The following GSE1 variants were observed in gnomAD, a reference collection of about 807,000 sequenced individuals.
GSE1 encodes the protein genetic suppressor element 1.
Under a neutral mutation model 112.6 loss-of-function variants are expected in GSE1, and 32 were observed. The ratio of observed to expected loss-of-function variants is 0.28; its 90% CI spans 0.21 to 0.38. The LOEUF is 0.38. Among genes scored for constraint, GSE1 ranks in the 10% least tolerant of loss-of-function variants. The pLI is 1.00. For missense variants in GSE1, 2,348 were observed against 1,699.2 expected (o/e 1.38, Z -6.71); for synonymous variants, 1,115 against 735.6 (o/e 1.52, Z -8.35).
upstream of GSE1, among the ~76,000 whole-genome samples, chr16:85,612,087 G>A (rs1388042405): frequency 2.0e-5 from 3 of 151,968 alleles, no homozygotes; most frequent in East Asian, 2.0e-4. Context: ...GTTGGAAGAG[G>A]ATGAGGAGGG....
At chr16:85,191,983 T>C (rs920128863) in intron 1 of GSE1, among the ~76,000 whole-genome samples, 52 of 152,216 alleles carry the variant, frequency 3.4e-4, no homozygotes, top group Admixed American at 6.5e-4. Context: ...GCAGCAGTTT[T>C]GAATCTTTCC....
intron 1 of GSE1, among the ~76,000 whole-genome samples, chr16:85,241,175 G>A (rs1597879727): frequency 6.8e-6 from 1 of 147,346 alleles, no homozygotes; most frequent in East Asian, 1.9e-4. Flanking sequence ...TCGGCTGCGT[G>A]ACCTTGGGCT....
upstream of GSE1, among the ~76,000 whole-genome samples, chr16:85,551,220 G>A (rs963435974): frequency 2.0e-5 from 3 of 152,326 alleles, no homozygotes; most frequent in East Asian, 3.9e-4. Flanking sequence ...AGGCTTTTCC[G>A]GAGAAGTGTG....
chr16:85,170,003 G>A (rs2074332462), exon 1 of GSE1: 1 of 984,428 alleles, frequency 1.0e-6, no homozygotes, highest in South Asian at 4.7e-5. Flanking sequence ...GGCGGCCCCC[G>A]GCTGCGCGGG....
intron 1 of GSE1, among the ~76,000 whole-genome samples, chr16:85,239,062 G>A (rs962696055): frequency 6.6e-6 from 1 of 151,986 alleles, no homozygotes; most frequent in Non-Finnish European, 1.5e-5. Context: ...CGAGCAGCTG[G>A]GATTATAGGC....
chr16:85,363,264 CA>C lies in GSE1; in HGVS notation c.2464+5622del, dbSNP rs2047120804. On this transcript the variant is annotated intron_variant, in intron 2 of 2. Transcript: ENST00000637419. ...ATGTTCCAGGGGCTCCTCCCTTTCT[CA>C]CCTGCCATACTGGGGTGTTGCCTTG... Among the ~76,000 whole-genome samples, 5 of 152,364 alleles carry C rather than the reference CA, an allele frequency of 3.3e-5. No homozygotes were observed. The South Asian group carries it at 1.0e-3, about 32-fold the overall frequency.
At chr16:85,250,972 C>T (rs1403745271) in intron 1 of GSE1, among the ~76,000 whole-genome samples, 1 of 152,222 alleles carries the variant, frequency 6.6e-6, no homozygotes, top group Non-Finnish European at 1.5e-5. Flanking sequence ...CCGCAGTCAT[C>T]CATGTAGCAC....
chr16:85,357,611 GGGAGGA>G, exon 2 of GSE1: 1 of 1,289,016 alleles, frequency 7.8e-7, no homozygotes, highest in Non-Finnish European at 1.0e-6. Context: ...CAGAGCAGCC[GGGAGGA>G]GGACGGACCA....
chr16:85,404,929 CT>C (rs1200346140), intron 2 of GSE1, among the ~76,000 whole-genome samples: 39 of 31,262 alleles, frequency 1.2e-3, no homozygotes, highest in East Asian at 8.9e-3. Context: ...TCAGGCCCCC[CT>C]GGATAATCCT....
At chr16:85,476,290 C>T (rs760164015) in intron 2 of GSE1, among the ~76,000 whole-genome samples, 7 of 152,160 alleles carry the variant, frequency 4.6e-5, no homozygotes, top group East Asian at 1.9e-4. Flanking sequence ...CCTGGGATGG[C>T]GCTCAGTGGA....
At chr16:85,562,405 A>T (rs1186371620) in intron 1 of GSE1, among the ~76,000 whole-genome samples, 1 of 151,872 alleles carries the variant, frequency 6.6e-6, no homozygotes, top group Non-Finnish European at 1.5e-5. Flanking sequence ...TTCTTGCTTA[A>T]ATGTGTTGTT....
chr16:85,572,254 CACA>C (rs2046023058), intron 1 of GSE1, among the ~76,000 whole-genome samples: 1 of 148,552 alleles, frequency 6.7e-6, no homozygotes, highest in Non-Finnish European at 1.5e-5. Flanking sequence ...CCACACCACA[CACA>C]ACCACACACA....
intron 2 of GSE1, among the ~76,000 whole-genome samples, chr16:85,368,270 G>C (rs1006356204): frequency 1.3e-5 from 2 of 152,186 alleles, no homozygotes; most frequent in Non-Finnish European, 2.9e-5. Context: ...ACCCAGGGTG[G>C]AGTCAACCAT....
exon 1 of GSE1, chr16:85,171,766 G>C (rs2074361949): frequency 1.0e-6 from 1 of 985,624 alleles, no homozygotes; most frequent in South Asian, 4.7e-5. Flanking sequence ...CACCCGCCAA[G>C]GACCCATGAG....
chr16:85,242,463 G>T (rs913056547), intron 1 of GSE1, among the ~76,000 whole-genome samples: 5 of 152,254 alleles, frequency 3.3e-5, no homozygotes, highest in Admixed American at 6.5e-5. Context: ...TCGGTGCCCC[G>T]CAGGGCAGGG....
At chr16:85,512,936 C>G (rs1281717286) in intron 2 of GSE1, among the ~76,000 whole-genome samples, 3 of 152,088 alleles carry the variant, frequency 2.0e-5, no homozygotes, top group African/African-American at 7.3e-5. Flanking sequence ...TAGCTACAAC[C>G]ATGGTGTTCT....
intron 1 of GSE1, among the ~76,000 whole-genome samples, chr16:85,563,416 G>C (rs1057136919): frequency 7.9e-5 from 12 of 152,334 alleles, no homozygotes; most frequent in Admixed American, 7.8e-4. Context: ...ACACATGCCA[G>C]GCCCTCCGCA....
chr16:85,584,084 G>C (rs1291637169), intron 1 of GSE1, among the ~76,000 whole-genome samples: 1 of 152,208 alleles, frequency 6.6e-6, no homozygotes, highest in Admixed American at 6.5e-5. Flanking sequence ...GCACGCATGG[G>C]GACGGGGACA....
chr16:85,431,453 G>A (rs1210284119), intron 2 of GSE1, among the ~76,000 whole-genome samples: 2 of 152,250 alleles, frequency 1.3e-5, no homozygotes, highest in Non-Finnish European at 1.5e-5. Flanking sequence ...TTACCGCGGG[G>A]CGAAAAACAC....
Sources: allele counts gnomAD v4.1 joint callset (sites outside exome capture counted in the v4.1 genomes callset), GRCh38; gene constraint gnomAD v4.1.1; transcripts MANE v1.5; gene names NCBI Gene and HGNC (gene_info 2026-07-23, HGNC 2026-07-21).